DACH1: variants seen among roughly 807,000 people sequenced by gnomAD.
DACH1 encodes the protein dachshund family transcription factor 1.
DACH1 carries 12 observed loss-of-function variants against 54.2 expected under a neutral mutation model. The observed-to-expected ratio is 0.22, with a 90% CI of 0.14 to 0.36. DACH1 has a LOEUF of 0.36. Among genes scored for constraint, DACH1 ranks in the 10% least tolerant of loss-of-function variants. The pLI, the probability that DACH1 is intolerant of heterozygous loss-of-function variation, is 1.00. For missense variants in DACH1, 805 were observed against 929.8 expected, an observed-to-expected ratio of 0.87 and a Z score of 1.75; for synonymous variants, 386 against 366.2, an observed-to-expected ratio of 1.05 and a Z score of -0.62.
Position 71,762,131 on chromosome 13 carries a change from T to C in DACH1, c.849-80221A>G, listed in dbSNP as rs547813380. On this transcript the variant is annotated intron_variant, in intron 1 of 10. Transcript: ENST00000613252. Reference sequence around the variant, plus strand: ...CTAAGACTCGGTGAGGTAAAATAACTGGTCCAAGGTAGGGGCTGGAACTTG... The same window carrying C: ...CTAAGACTCGGTGAGGTAAAATAACCGGTCCAAGGTAGGGGCTGGAACTTG... 6.6e-5 allele frequency among the ~76,000 whole-genome samples: 10 copies of C among 152,272 alleles called. No individual in the cohort carries two copies. In the East Asian group the frequency reaches 1.9e-3, roughly 29 times the overall value.
At position 71,573,026 on chromosome 13, in the gene DACH1, A is replaced by G. The variant is rs1885313566; in HGVS notation, c.1127-14T>C. 2.5e-6 allele frequency: 4 copies of G among 1,611,762 alleles called. No individual in the cohort carries two copies. Among genetic ancestry groups the G allele is most frequent in the Non-Finnish European group, 3.4e-6 (4 of 1,178,726 alleles). On this transcript the variant is annotated splice_polypyrimidine_tract_variant and intron_variant, in intron 3 of 10. Transcript: ENST00000613252. Reference sequence around the variant, plus strand: ...GAAGTTCCAGTCCTATAAAAAATGCACATATATCATCATTGCTCTGGAGGA... The same window carrying G: ...GAAGTTCCAGTCCTATAAAAAATGCGCATATATCATCATTGCTCTGGAGGA...
At chr13:71,624,481 G>T (rs1486497001) in intron 3 of DACH1, among the ~76,000 whole-genome samples, 2 of 151,736 alleles carry the variant, frequency 1.3e-5, no homozygotes, top group Non-Finnish European at 2.9e-5. Context: ...GGACTTTTAG[G>T]GTAGTCTTGT....
At chr13:71,767,461 C>G (rs959359054) in intron 1 of DACH1, among the ~76,000 whole-genome samples, 2 of 151,950 alleles carry the variant, frequency 1.3e-5, no homozygotes, top group African/African-American at 4.8e-5. Context: ...ACACTTGACC[C>G]ATATTGAAGA....
At position 71,721,457 on chromosome 13, in the gene DACH1, T is replaced by A. The variant is rs541803837; in HGVS notation, c.849-39547A>T. On this transcript the variant is annotated intron_variant, in intron 1 of 10. Transcript: ENST00000613252. Reference sequence around the variant, plus strand: ...CCAAACACTTAAATGCCACTTTTACTCATTTGGTAACTAGGGGTAGTCCAA... The same window carrying A: ...CCAAACACTTAAATGCCACTTTTACACATTTGGTAACTAGGGGTAGTCCAA... Among the ~76,000 whole-genome samples, 16 of 152,272 alleles carry A rather than the reference T, an allele frequency of 1.1e-4. No homozygotes were observed. The East Asian group carries it at 3.1e-3, about 29-fold the overall frequency.
intron 10 of DACH1, among the ~76,000 whole-genome samples, chr13:71,465,522 A>AGTT (rs1268116447): frequency 6.6e-6 from 1 of 152,092 alleles, no homozygotes; most frequent in African/African-American, 2.4e-5. Flanking sequence ...GAACTATTAG[A>AGTT]GTTAGTTGTT....
Position 71,624,601 on chromosome 13 carries a change from AAAAC to A in DACH1, c.1126+5951_1126+5954del, listed in dbSNP as rs574645255. On this transcript the variant is annotated intron_variant, in intron 3 of 10. Transcript: ENST00000613252. ...TAGGCAGAAAAACATTCTAGTTACC[AAAAC>A]AAACAAACAAACAAACAAAAAAACT... Among the ~76,000 whole-genome samples, 35 of 152,030 alleles carry A rather than the reference AAAAC, an allele frequency of 2.3e-4. No homozygotes were observed. The East Asian group carries it at 3.3e-3, about 14-fold the overall frequency.
intron 3 of DACH1, among the ~76,000 whole-genome samples, chr13:71,592,494 C>CAAAAAAAAAAAAAAAAAAAAAAAAAAAA (rs575364116): frequency 2.6e-3 from 86 of 32,648 alleles, no homozygotes; most frequent in Non-Finnish European, 4.0e-3. Flanking sequence ...GACTCTATCT[C>CAAAAAAAAAAAAAAAAAAAAAAAAAAAA]AAAAAAAAAA....
intron 1 of DACH1, among the ~76,000 whole-genome samples, chr13:71,725,370 C>T (rs1883423850): frequency 6.6e-6 from 1 of 151,990 alleles, no homozygotes; most frequent in Non-Finnish European, 1.5e-5. Context: ...TTCTAAAACT[C>T]CTCTCAAAAG....
intron 6 of DACH1, 136 bp from the exon 7 acceptor site, chr13:71,489,284 G>A: frequency 3.2e-6 from 3 of 936,382 alleles, no homozygotes; most frequent in Non-Finnish European, 4.8e-6. Context: ...AATGCTTTCT[G>A]CTGAATTTTC....
chr13:71,861,392 G>A (rs964875576), intron 1 of DACH1, among the ~76,000 whole-genome samples: 1 of 151,938 alleles, frequency 6.6e-6, no homozygotes, highest in Non-Finnish European at 1.5e-5. Flanking sequence ...GATATTGTGA[G>A]AGACTAACTC....
chr13:71,623,815 T>C (rs1435891096), intron 3 of DACH1, among the ~76,000 whole-genome samples: 7 of 151,840 alleles, frequency 4.6e-5, no homozygotes, highest in Non-Finnish European at 1.0e-4. Flanking sequence ...TTCTGACTTA[T>C]TTTGCTCTCT....
At chr13:71,775,259 C>A (rs901305055) in intron 1 of DACH1, among the ~76,000 whole-genome samples, 3 of 146,196 alleles carry the variant, frequency 2.1e-5, no homozygotes, top group African/African-American at 7.6e-5. Flanking sequence ...GCCATAAATG[C>A]ATGCCACTGA....
At chr13:71,487,572 A>C (rs1878642983) in intron 7 of DACH1, among the ~76,000 whole-genome samples, 1 of 152,232 alleles carries the variant, frequency 6.6e-6, no homozygotes, top group Admixed American at 6.5e-5. Context: ...TCAAGAGTCC[A>C]TGTGTCAAAC....
intron 1 of DACH1, among the ~76,000 whole-genome samples, chr13:71,811,934 C>T (rs1594250033): frequency 6.6e-6 from 1 of 152,200 alleles, no homozygotes; most frequent in East Asian, 1.9e-4. Context: ...AACTGAAAAA[C>T]TTTCCTTCTA....
chr13:71,590,595 C>T (rs1873627758), intron 3 of DACH1, among the ~76,000 whole-genome samples: 1 of 150,542 alleles, frequency 6.6e-6, no homozygotes, highest in Non-Finnish European at 1.5e-5. Context: ...ACTAGAAAGC[C>T]TTACACAGAG....
chr13:71,603,382 A>G (rs1441193828), intron 3 of DACH1, among the ~76,000 whole-genome samples: 2 of 151,992 alleles, frequency 1.3e-5, no homozygotes, highest in Non-Finnish European at 2.9e-5. Flanking sequence ...TTTCTACTCA[A>G]AGAAGTGTGC....
intron 10 of DACH1, among the ~76,000 whole-genome samples, chr13:71,468,660 G>A (rs1000182826): frequency 5.3e-5 from 8 of 152,112 alleles, no homozygotes; most frequent in South Asian, 2.1e-4. Flanking sequence ...AAATGCATAC[G>A]TCAAAAGAAA....
chr13:71,630,424 AAACATAC>A, intron 3 of DACH1, 125 bp downstream of exon 3: 1 of 1,367,192 alleles, frequency 7.3e-7, no homozygotes, highest in Non-Finnish European at 9.5e-7. Flanking sequence ...TGGTATCCTC[AAACATAC>A]AGTGTTTTCA....
At chr13:71,803,163 T>C (rs1158758420) in intron 1 of DACH1, among the ~76,000 whole-genome samples, 1 of 152,128 alleles carries the variant, frequency 6.6e-6, no homozygotes, top group East Asian at 1.9e-4. Context: ...CAATTTAATA[T>C]CTGAAAGCAT....
Sources: gnomAD v4.1 joint callset for allele counts (sites outside exome capture counted in the v4.1 genomes callset) on GRCh38, gnomAD v4.1.1 for gene constraint, MANE v1.5 for transcripts, NCBI Gene and HGNC (gene_info 2026-07-23, HGNC 2026-07-21) for gene names.